The following THSD7B variants were observed in gnomAD, a reference collection of about 807,000 sequenced individuals.
THSD7B encodes the protein thrombospondin type 1 domain containing 7B.
A neutral mutation model predicts 213.6 loss-of-function variants in THSD7B; 138 were observed. The observed-to-expected ratio is 0.65, with a 90% CI of 0.56 to 0.74. THSD7B has a LOEUF of 0.74. THSD7B is among the 30% of genes least tolerant of loss of function. The probability of loss-of-function intolerance (pLI) is 0.00; values close to 1 mark genes in which losing one functional copy is unlikely to be tolerated. For missense variants in THSD7B, 1,931 were observed against 1,991.5 expected (o/e 0.97, Z 0.58); for synonymous variants, 742 against 687.0 (o/e 1.08, Z -1.25).
chr2:137,326,181 G>A (rs1231221642), intron 12 of THSD7B, among the ~76,000 whole-genome samples: 1 of 152,160 alleles, frequency 6.6e-6, no homozygotes, highest in Admixed American at 6.5e-5. Flanking sequence ...GAGGGACATA[G>A]CTTCTATCGA....
intron 2 of THSD7B, among the ~76,000 whole-genome samples, chr2:136,915,116 T>C (rs770642987): frequency 6.6e-5 from 10 of 152,162 alleles, no homozygotes; most frequent in Non-Finnish European, 1.5e-4. Flanking sequence ...AAACAGAAGA[T>C]GGTTTTATCT....
chr2:137,159,760 G>A (rs540450312), intron 5 of THSD7B, among the ~76,000 whole-genome samples: 7 of 152,178 alleles, frequency 4.6e-5, no homozygotes, highest in South Asian at 4.2e-4. Flanking sequence ...CAGCTCCCTC[G>A]CTCAGGGGAG....
intron 10 of THSD7B, among the ~76,000 whole-genome samples, chr2:137,270,543 GATGACAGAACATTAATGGGTA>G (rs1274935114): frequency 3.9e-5 from 6 of 152,166 alleles, no homozygotes; most frequent in Admixed American, 6.5e-5. Context: ...GACATTAGTG[GATGACAGAACATTAATGGGTA>G]ATGACAGAAC....
intron 15 of THSD7B, among the ~76,000 whole-genome samples, chr2:137,504,839 A>G (rs549252964): frequency 3.3e-5 from 5 of 152,316 alleles, no homozygotes; most frequent in African/African-American, 1.2e-4. Flanking sequence ...AGGCTGTCCA[A>G]TAGGCAGACT....
intron 1 of THSD7B, among the ~76,000 whole-genome samples, chr2:136,813,690 G>C (rs1381658509): frequency 6.6e-6 from 1 of 152,004 alleles, no homozygotes; most frequent in African/African-American, 2.4e-5. Flanking sequence ...TTCTAAGAGT[G>C]ATTTTTTGTT....
At chr2:137,112,420 G>A (rs932187161) in intron 4 of THSD7B, among the ~76,000 whole-genome samples, 1 of 151,788 alleles carries the variant, frequency 6.6e-6, no homozygotes, top group Non-Finnish European at 1.5e-5. Flanking sequence ...TCATTTGCCA[G>A]TGAATGGAAC....
chr2:136,941,284 T>A (rs893166287), intron 2 of THSD7B, among the ~76,000 whole-genome samples: 1 of 152,224 alleles, frequency 6.6e-6, no homozygotes, highest in Non-Finnish European at 1.5e-5. Context: ...GTTCCAAGTT[T>A]TTGCTGTTGT....
intron 3 of THSD7B, among the ~76,000 whole-genome samples, chr2:137,090,642 A>C (rs1687933514): frequency 6.6e-6 from 1 of 152,216 alleles, no homozygotes; most frequent in African/African-American, 2.4e-5. Flanking sequence ...ACAGGGGTCA[A>C]ATTATCACAG....
intron 2 of THSD7B, among the ~76,000 whole-genome samples, chr2:137,010,014 G>A (rs1314474560): frequency 1.3e-5 from 2 of 152,092 alleles, no homozygotes; most frequent in Non-Finnish European, 2.9e-5. Context: ...AATTAAATTC[G>A]GGTAATTTTT....
chr2:137,274,399 T>C (rs1449909936), intron 11 of THSD7B, among the ~76,000 whole-genome samples: 1 of 152,096 alleles, frequency 6.6e-6, no homozygotes, highest in African/African-American at 2.4e-5. Flanking sequence ...GTCAAGTGAA[T>C]TTGAACTTCT....
chr2:137,136,107 A>G (rs531419253), intron 5 of THSD7B, among the ~76,000 whole-genome samples: 1 of 152,266 alleles, frequency 6.6e-6, no homozygotes, highest in South Asian at 2.1e-4. Context: ...AACAATGAGA[A>G]CACATGGACA....
intron 12 of THSD7B, among the ~76,000 whole-genome samples, chr2:137,383,969 A>T (rs1216089302): frequency 6.6e-6 from 1 of 152,212 alleles, no homozygotes; most frequent in Non-Finnish European, 1.5e-5. Context: ...ACAGGAAACT[A>T]ATATACCCTT....
intron 12 of THSD7B, among the ~76,000 whole-genome samples, chr2:137,404,506 C>CACACACACAT (rs1243439493): frequency 2.5e-5 from 3 of 117,868 alleles, no homozygotes; most frequent in African/African-American, 6.2e-5. Context: ...CACACACACA[C>CACACACACAT]ATATATGTAT....
chr2:137,185,873 C>T (rs1185549294), intron 7 of THSD7B, among the ~76,000 whole-genome samples: 5 of 152,306 alleles, frequency 3.3e-5, no homozygotes, highest in African/African-American at 4.8e-5. Context: ...TATAAGCATT[C>T]CCTTTTCTCT....
intron 15 of THSD7B, among the ~76,000 whole-genome samples, chr2:137,549,124 T>A (rs1558835403): frequency 6.6e-6 from 1 of 151,942 alleles, no homozygotes; most frequent in Non-Finnish European, 1.5e-5. Context: ...AAACTCATTC[T>A]CCTCCTTTTC....
intron 2 of THSD7B, among the ~76,000 whole-genome samples, chr2:136,991,751 C>T (rs1244132101): frequency 6.6e-6 from 1 of 152,162 alleles, no homozygotes; most frequent in Non-Finnish European, 1.5e-5. Flanking sequence ...CCAATTCTTT[C>T]ATCCCATTAA....
chr2:137,539,910 T>A (rs1232378387), intron 15 of THSD7B, among the ~76,000 whole-genome samples: 2 of 151,706 alleles, frequency 1.3e-5, no homozygotes, highest in Non-Finnish European at 1.5e-5. Context: ...AATCAATACT[T>A]CATCTTATTG....
At chr2:137,193,058 T>C (rs962269283) in intron 7 of THSD7B, among the ~76,000 whole-genome samples, 1 of 152,128 alleles carries the variant, frequency 6.6e-6, no homozygotes, top group Non-Finnish European at 1.5e-5. Context: ...CAGTTCAGCA[T>C]GTATTGAGAA....
chr2:137,117,052 C>G (rs1688458368), intron 5 of THSD7B, among the ~76,000 whole-genome samples: 2 of 152,170 alleles, frequency 1.3e-5, no homozygotes, highest in South Asian at 4.1e-4. Context: ...CGACTGTATA[C>G]TCCTGTACAG....
Sources: allele counts gnomAD v4.1 joint callset (sites outside exome capture counted in the v4.1 genomes callset), GRCh38; gene constraint gnomAD v4.1.1; transcripts MANE v1.5; gene names NCBI Gene and HGNC (gene_info 2026-07-23, HGNC 2026-07-21).